UNC79: variants seen among roughly 807,000 people sequenced by gnomAD.
UNC79 encodes the protein protein unc-79 homolog.
Under a neutral mutation model 283.1 loss-of-function variants are expected in UNC79, and 37 were observed. The ratio of observed to expected loss-of-function variants is 0.13; its 90% CI spans 0.10 to 0.17. The LOEUF is 0.17. Among genes scored for constraint, UNC79 ranks in the 10% least tolerant of loss-of-function variants. The probability of loss-of-function intolerance (pLI) is 1.00; values close to 1 mark genes in which losing one functional copy is unlikely to be tolerated. For synonymous variants in UNC79, 1,107 were observed against 1,200.2 expected (o/e 0.92, Z 1.61); for missense variants, 2,272 against 3,211.1 (o/e 0.71, Z 7.07).
At chr14:93,534,301 G>C (rs1433634892) in intron 11 of UNC79, among the ~76,000 whole-genome samples, 3 of 152,332 alleles carry the variant, frequency 2.0e-5, no homozygotes, top group Middle Eastern at 3.4e-3. Flanking sequence ...ATAAGAAATG[G>C]TCCATGTTGC....
At chr14:93,634,745 T>C in intron 31 of UNC79, 108 bp downstream of exon 34, 5 of 1,119,102 alleles carry the variant, frequency 4.5e-6, no homozygotes, top group Admixed American at 2.0e-5. Flanking sequence ...TCATGTTCTT[T>C]GGTTCAGGTA....
intron 1 of UNC79, among the ~76,000 whole-genome samples, chr14:93,422,864 T>A (rs544075734): frequency 4.6e-5 from 7 of 151,662 alleles, no homozygotes; most frequent in South Asian, 2.1e-4. Flanking sequence ...ACTGAGACCA[T>A]CCTGGCTAAC....
At chr14:93,504,645 C>G (rs1225111343) in intron 7 of UNC79, among the ~76,000 whole-genome samples, 1 of 151,816 alleles carries the variant, frequency 6.6e-6, no homozygotes, top group Non-Finnish European at 1.5e-5. Context: ...ATTACATTGT[C>G]TAACTCTTTG....
In UNC79 at chr14:93,641,140, C is replaced by T; in HGVS notation, c.5801-5C>T. 1 of 1,612,514 alleles carries T rather than the reference C, an allele frequency of 6.2e-7. No individual in the cohort carries two copies. On this transcript the variant is annotated splice_region_variant and splice_polypyrimidine_tract_variant and intron_variant, in intron 32 of 48. Transcript: ENST00000555664. ...TCACTGGTTGTCCCTTTGCTGCTTA[C>T]CCAGGTGCCACCAAATCCAGCCTGC...
Position 93,472,951 on chromosome 14 carries a change from C to T in UNC79, c.144-1138C>T, listed in dbSNP as rs372662766. Among the ~76,000 whole-genome samples, 24 of 152,186 alleles carry T rather than the reference C, an allele frequency of 1.6e-4. No individual in the cohort carries two copies. The East Asian group carries it at 4.6e-3, about 29-fold the overall frequency. On this transcript the variant is annotated intron_variant, in intron 2 of 48. Transcript: ENST00000555664. ...TTGTCTTTAATGCTAAATAGTATAACCTAATTTTACAAAACCTAAACATTT... is the reference window on the plus strand; with the variant it reads ...TTGTCTTTAATGCTAAATAGTATAATCTAATTTTACAAAACCTAAACATTT...
At chr14:93,517,232 C>A (rs1313003022) in intron 7 of UNC79, among the ~76,000 whole-genome samples, 1 of 148,360 alleles carries the variant, frequency 6.7e-6, no homozygotes, top group East Asian at 2.0e-4. Context: ...TTCCTTCTTT[C>A]CTTCCTTCCT....
intron 7 of UNC79, among the ~76,000 whole-genome samples, chr14:93,508,365 A>T (rs1435829120): frequency 6.6e-6 from 1 of 152,170 alleles, no homozygotes; most frequent in Non-Finnish European, 1.5e-5. Context: ...TTTATTAAAA[A>T]CAGCAGCAGC....
rs2067126728 is a variant in UNC79 at position 93,621,459 on chromosome 14, A to C, written c.4388-162A>C. Among the ~76,000 whole-genome samples the C allele has an allele frequency of 6.6e-6, 1 of 152,216 alleles. No individual in the cohort carries two copies. Among genetic ancestry groups the C allele is most frequent in the Non-Finnish European group, 1.5e-5 (1 of 68,046 alleles). On this transcript the variant is annotated intron_variant, in intron 29 of 48. Coordinates refer to ENST00000555664, the Ensembl canonical transcript of UNC79. This position sits in a 1 kb window ranked among gnomAD's most constrained non-coding sequence, Gnocchi z 4.8. The stretch of plus-strand genomic sequence containing the variant: ...ATTCGTAAATTTTCCAGTTTTTGAA[A>C]TTAGAACGAACCTTACAAAAACTTG...
At chr14:93,361,585 A>G (rs2054228665) in intron 1 of UNC79, among the ~76,000 whole-genome samples, 1 of 152,030 alleles carries the variant, frequency 6.6e-6, no homozygotes, top group Admixed American at 6.5e-5. Context: ...TCTCAAATCT[A>G]GGAGCCTTTG....
intron 14 of UNC79, among the ~76,000 whole-genome samples, chr14:93,571,322 T>C (rs922205411): frequency 1.3e-5 from 2 of 152,230 alleles, no homozygotes; most frequent in African/African-American, 4.8e-5. Context: ...ATTGATATAC[T>C]ATCTTAATTA....
At chr14:93,683,629 T>C (rs1021199688) in intron 42 of UNC79, among the ~76,000 whole-genome samples, 1 of 152,108 alleles carries the variant, frequency 6.6e-6, no homozygotes, top group Non-Finnish European at 1.5e-5. Flanking sequence ...ATGTCCCTAA[T>C]AATAAAAGGG....
At chr14:93,532,682 T>C (rs1159920626) in intron 11 of UNC79, 104 bp downstream of exon 11, 3 of 1,351,028 alleles carry the variant, frequency 2.2e-6, no homozygotes, top group Admixed American at 3.7e-5. Flanking sequence ...TTCCAGTATA[T>C]GCATGCCATT....
At chr14:93,540,711 C>T (rs1199473668) in exon 13 of UNC79, 2 of 1,613,812 alleles carry the variant, frequency 1.2e-6, no homozygotes, top group Non-Finnish European at 1.7e-6. Context: ...ATGAGCTGAA[C>T]CGGCGGCGGC....
At chr14:93,410,423 T>C (rs969519273) in intron 1 of UNC79, among the ~76,000 whole-genome samples, 1 of 152,100 alleles carries the variant, frequency 6.6e-6, no homozygotes, top group African/African-American at 2.4e-5. Context: ...AGTGCTGAAC[T>C]GGTATCAGAG....
intron 1 of UNC79, among the ~76,000 whole-genome samples, chr14:93,452,036 G>GAGT (rs2056659544): frequency 6.6e-6 from 1 of 152,134 alleles, no homozygotes; most frequent in African/African-American, 2.4e-5. Flanking sequence ...TCCTGACCCA[G>GAGT]AACCTTTCTC....
chr14:93,694,013 G>C lies in UNC79; in HGVS notation c.7471-322G>C, dbSNP rs529095917. 5.3e-5 allele frequency among the ~76,000 whole-genome samples: 8 copies of C among 152,290 alleles called. No homozygotes were observed. In the South Asian group the frequency reaches 1.7e-3, roughly 32 times the overall value. ...TTACACCCAAAGAGTTCCGTAGTTA[G>C]AAATGAAGGCAACAGAGGCCATTTA... On this transcript the variant is annotated intron_variant, in intron 46 of 48. Coordinates refer to ENST00000555664, the Ensembl canonical transcript of UNC79.
At chr14:93,334,678 CTG>C (rs2139858348) in intron 1 of UNC79, 1 of 152,318 alleles carries the variant, frequency 6.6e-6, no homozygotes, top group Admixed American at 6.5e-5. Context: ...CGGGTTTGAA[CTG>C]TGCGGATCGA....
At chr14:93,348,252 T>A (rs1365661615) in intron 1 of UNC79, 3 of 627,058 alleles carry the variant, frequency 4.8e-6, no homozygotes, top group Middle Eastern at 2.5e-4. Flanking sequence ...ATGTTTATGA[T>A]GAATATTTTG....
At chr14:93,528,704 A>T in intron 9 of UNC79, 58 bp downstream of exon 9, 1 of 1,517,006 alleles carries the variant, frequency 6.6e-7, no homozygotes, top group Non-Finnish European at 9.1e-7. Flanking sequence ...AGATAAGAAA[A>T]ATCATTTGGA....
Sources: allele counts gnomAD v4.1 joint callset (sites outside exome capture counted in the v4.1 genomes callset), GRCh38; gene constraint gnomAD v4.1.1; non-coding constraint Gnocchi (gnomAD v3.1); transcripts MANE v1.5; gene names NCBI Gene and HGNC (gene_info 2026-07-23, HGNC 2026-07-21).